The following DIPK2A variants were observed in gnomAD, a reference collection of about 807,000 sequenced individuals.
The protein encoded by DIPK2A is divergent protein kinase domain 2A, also known as Golgi Protein of 49 kDa.
Under a neutral mutation model 39.0 loss-of-function variants are expected in DIPK2A, and 27 were observed. That is an observed-to-expected ratio of 0.69 (90% CI 0.51 to 0.96). The LOEUF is 0.96. Ranked by LOEUF, DIPK2A falls within the 40% of genes least tolerant of loss-of-function variation. The probability of loss-of-function intolerance (pLI) is 0.00; values close to 1 mark genes in which losing one functional copy is unlikely to be tolerated. For missense variants in DIPK2A, 528 were observed against 571.3 expected (o/e 0.92, Z 0.77); for synonymous variants, 298 against 240.8 (o/e 1.24, Z -2.20).
In DIPK2A at chr3:143,991,800, A is replaced by G. The variant is rs1362952606; in HGVS notation, c.*1959A>G. The G allele has an allele frequency of 6.6e-6, 1 of 152,194 alleles. No homozygotes were observed. Among genetic ancestry groups the G allele is most frequent in the Non-Finnish European group, 1.5e-5 (1 of 68,018 alleles). The allele number at this position is 152,194 out of a possible 1,614,324, so 9.4% of individuals were successfully genotyped here. The stretch of plus-strand genomic sequence containing the variant: ...AAAATACACATTTTCAAGAGGGAGC[A>G]CCTTTTATATTTGATAAGTTTTCAT... On this transcript the variant is annotated 3_prime_UTR_variant, in exon 3 of 3. Coordinates refer to ENST00000315691, the MANE Select transcript of DIPK2A (RefSeq NM_173552.5).
At chr3:143,974,114 T>A (rs2087696896) in intron 1 of DIPK2A, among the ~76,000 whole-genome samples, 1 of 129,848 alleles carries the variant, frequency 7.7e-6, no homozygotes, top group Admixed American at 7.5e-5. Context: ...GGGCTGGAGG[T>A]ACAGGGTTTT....
At chr3:143,981,687 A>C (rs539082268) in intron 1 of DIPK2A, among the ~76,000 whole-genome samples, 1 of 152,316 alleles carries the variant, frequency 6.6e-6, no homozygotes, top group East Asian at 1.9e-4. Flanking sequence ...AAACAGAAAC[A>C]AAAACAAAAC....
rs1232374804 is a variant in DIPK2A at position 143,991,966 on chromosome 3, GT to G, written c.*2131del. ...CCAGCGGTGATTGCTACTTGAGGTA[GT>G]TTTTTACAACTACCATTTCCCCTCC... On this transcript the variant is annotated 3_prime_UTR_variant, in exon 3 of 3. Coordinates refer to ENST00000315691, the MANE Select transcript of DIPK2A (RefSeq NM_173552.5). 1 of 152,336 alleles carries G rather than the reference GT, an allele frequency of 6.6e-6. No individual in the cohort carries two copies. The highest frequency in any genetic ancestry group is 1.5e-5 in the Non-Finnish European group (1 of 67,978). 9.4% of individuals were successfully genotyped at this position (152,336 alleles called of 1,614,324 possible).
chr3:143,991,387 T>G lies in DIPK2A; in HGVS notation c.*1546T>G, dbSNP rs931215353. ...GAACATGACATACGGTTAAGTAACT[T>G]TACAATTATTATCAAATACTTCAAT... On this transcript the variant is annotated 3_prime_UTR_variant, in exon 3 of 3. Transcript: ENST00000315691. The G allele has an allele frequency of 1.3e-5, 2 of 152,634 alleles. No homozygotes were observed. The highest frequency in any genetic ancestry group is 4.8e-5 in the African/African-American group (2 of 41,464). The allele number at this position is 152,634 out of a possible 1,614,324, so 9.5% of individuals were successfully genotyped here.
At position 143,990,880 on chromosome 3, in the gene DIPK2A, T is replaced by G. The variant is rs748335030; in HGVS notation, c.*1039T>G. 2.0e-5 allele frequency: 3 copies of G among 152,626 alleles called. No individual in the cohort carries two copies. Among genetic ancestry groups the G allele is most frequent in the African/African-American group, 7.2e-5 (3 of 41,460 alleles). The allele number at this position is 152,626 out of a possible 1,614,324, so 9.5% of individuals were successfully genotyped here. The stretch of plus-strand genomic sequence containing the variant: ...CCTGATTATTTTTTCTGTTGAAAGT[T>G]AAACTACTGCTTTCAAGTAATTTAA... On this transcript the variant is annotated 3_prime_UTR_variant, in exon 3 of 3. Coordinates refer to ENST00000315691, the MANE Select transcript of DIPK2A (RefSeq NM_173552.5).
chr3:143,975,279 T>C (rs2087712925), intron 1 of DIPK2A, among the ~76,000 whole-genome samples: 1 of 152,126 alleles, frequency 6.6e-6, no homozygotes, highest in South Asian at 2.1e-4. Flanking sequence ...TTGGGGTCTT[T>C]AGTACCAGCC....
intron 1 of DIPK2A, among the ~76,000 whole-genome samples, chr3:143,980,624 C>T (rs553217421): frequency 7.4e-5 from 10 of 135,532 alleles, no homozygotes; most frequent in Non-Finnish European, 1.3e-4. Context: ...TGTTTTCAAG[C>T]TTAAACTTTT....
intron 1 of DIPK2A, among the ~76,000 whole-genome samples, chr3:143,982,967 CA>C (rs2107845012): frequency 6.6e-6 from 1 of 152,116 alleles, no homozygotes; most frequent in South Asian, 2.1e-4. Flanking sequence ...TTTAAACCAA[CA>C]AAGATCATAA....
intron 1 of DIPK2A, among the ~76,000 whole-genome samples, chr3:143,981,361 C>T (rs2087826780): frequency 6.6e-6 from 1 of 152,136 alleles, no homozygotes; most frequent in Admixed American, 6.5e-5. Context: ...CTGGTCCTTG[C>T]TTCACTCTCC....
In DIPK2A at chr3:143,972,461, A is replaced by C. The variant is rs778973713; in HGVS notation, c.129A>C (p.Glu43Asp). 6.2e-7 allele frequency: 1 copy of C among 1,603,718 alleles called. No homozygotes were observed. Among genetic ancestry groups the C allele is most frequent in the South Asian group, 1.1e-5 (1 of 90,010 alleles). ...PSLLASWQRN[E>D]LTDRRFLQLN... Reference sequence around the variant, plus strand: ...TGCTCGCCTCTTGGCAGCGCAACGAACTGACCGACCGGCGCTTCCTGCAGC... The same window carrying C: ...TGCTCGCCTCTTGGCAGCGCAACGACCTGACCGACCGGCGCTTCCTGCAGC... The change falls in exon 1 of 3, where the codon GAA becomes GAC. Residue 43 changes from glutamate (E) to aspartate (D), a missense_variant. Glu to Asp is a conservative substitution (Grantham distance 45). Transcript: ENST00000315691.
intron 2 of DIPK2A, among the ~76,000 whole-genome samples, chr3:143,986,956 T>C (rs965901294): frequency 6.6e-5 from 10 of 152,200 alleles, no homozygotes; most frequent in African/African-American, 2.4e-4. Context: ...GAAAAGTTTA[T>C]GTGACAGCCA....
chr3:143,978,598 C>CTA (rs2087764175), intron 1 of DIPK2A: 1 of 55,606 alleles, frequency 1.8e-5, no homozygotes, highest in Admixed American at 1.7e-4. Flanking sequence ...ATCTATCTAT[C>CTA]TATCTATATA....
chr3:143,978,833 A>C (rs2087788103), intron 1 of DIPK2A, among the ~76,000 whole-genome samples: 1 of 151,516 alleles, frequency 6.6e-6, no homozygotes, highest in African/African-American at 2.4e-5. Flanking sequence ...GTATTGATAG[A>C]GCATCCATTT....
Position 143,972,231 on chromosome 3 carries a change from CCTT to C in DIPK2A, c.-99_-97del. 1 of 1,127,632 alleles carries C rather than the reference CCTT, an allele frequency of 8.9e-7. No homozygotes were observed. Among genetic ancestry groups the C allele is most frequent in the South Asian group, 2.3e-5 (1 of 43,330 alleles). The allele number at this position is 1,127,632 out of a possible 1,614,324, so 69.9% of individuals were successfully genotyped here. A position where few individuals can be genotyped will look rare whatever the true frequency, so the allele number is the denominator to read the frequency against. The stretch of plus-strand genomic sequence containing the variant: ...CTCCGCCCCAGCCCGCGCGCTAGCT[CCTT>C]CTCTCGCCCGGGGTTCCTGCCGGTA... On this transcript the variant is annotated 5_prime_UTR_variant, in exon 1 of 3. Coordinates refer to ENST00000315691, the MANE Select transcript of DIPK2A (RefSeq NM_173552.5).
chr3:143,977,147 T>C (rs545240704), intron 1 of DIPK2A, among the ~76,000 whole-genome samples: 2 of 152,228 alleles, frequency 1.3e-5, no homozygotes, highest in South Asian at 4.1e-4. Context: ...TTAAGTTCAC[T>C]GGTGAAAATG....
In DIPK2A at chr3:143,972,788, C is replaced by G; in HGVS notation, c.456C>G (p.Asp152Glu). The G allele has an allele frequency of 1.3e-6, 2 of 1,568,224 alleles. No individual in the cohort carries two copies. The highest frequency in any genetic ancestry group is 1.7e-6 in the Non-Finnish European group (2 of 1,160,766). The part of the protein sequence containing the change: ...PRTEFARLNG[D>E]VRLLTPEAVE... ...CCGAGTTCGCGCGCCTCAACGGCGA[C>G]GTGCGTCTGCTCACGCCCGAGGCGG... The change falls in exon 1 of 3, where the codon GAC becomes GAG. Residue 152 changes from aspartate to glutamate, a missense_variant. Physicochemically the swap from Asp to Glu is conservative, Grantham distance 45. This residue lies in a region of DIPK2A where 309 missense variants were observed against 289.8 expected (regional missense o/e 1.07). Coordinates refer to ENST00000315691, the MANE Select transcript of DIPK2A (RefSeq NM_173552.5).
At chr3:143,986,447 G>A (rs903774995) in intron 2 of DIPK2A, among the ~76,000 whole-genome samples, 6 of 152,126 alleles carry the variant, frequency 3.9e-5, no homozygotes, top group Admixed American at 6.5e-5. Context: ...AATGCCGGCC[G>A]GGTGCGGTGG....
At chr3:143,978,206 C>T (rs1269240825) in intron 1 of DIPK2A, among the ~76,000 whole-genome samples, 3 of 152,020 alleles carry the variant, frequency 2.0e-5, no homozygotes, top group Non-Finnish European at 4.4e-5. Context: ...TGACTCTTCA[C>T]AGAATGCTAT....
At chr3:143,976,961 T>G (rs1208280070) in intron 1 of DIPK2A, among the ~76,000 whole-genome samples, 1 of 152,074 alleles carries the variant, frequency 6.6e-6, no homozygotes, top group African/African-American at 2.4e-5. Context: ...TCAGCTGTTT[T>G]GAAGCTCATT....
Sources: gnomAD v4.1 joint callset for allele counts (sites outside exome capture counted in the v4.1 genomes callset) on GRCh38, gnomAD v4.1.1 for gene constraint, gnomAD v4.1.1 regional missense constraint, MANE v1.5 for transcripts, NCBI Gene and HGNC (gene_info 2026-07-23, HGNC 2026-07-21) for gene names.